Variants in ADGRL3 observed in about 807,000 individuals in gnomAD.
ADGRL3 encodes the protein adhesion G protein-coupled receptor L3.
A neutral mutation model predicts 153.5 loss-of-function variants in ADGRL3; 62 were observed. The ratio of observed to expected loss-of-function variants is 0.40; its 90% confidence interval spans 0.33 to 0.50. ADGRL3 has a LOEUF of 0.50. Among genes scored for constraint, ADGRL3 ranks in the 20% least tolerant of loss-of-function variants. The probability of loss-of-function intolerance (pLI) is 0.47; values close to 1 mark genes in which losing one functional copy is unlikely to be tolerated. For missense variants in ADGRL3, 1,641 were observed against 1,859.4 expected, an observed-to-expected ratio of 0.88 and a Z score of 2.16; for synonymous variants, 710 against 672.5, an observed-to-expected ratio of 1.06 and a Z score of -0.86.
intron 1 of ADGRL3, among the ~76,000 whole-genome samples, chr4:61,227,767 C>T (rs759016910): frequency 5.9e-5 from 9 of 152,102 alleles, no homozygotes; most frequent in East Asian, 1.9e-4. Flanking sequence ...TAAACACAGT[C>T]GACATATGCT....
intron 1 of ADGRL3, among the ~76,000 whole-genome samples, chr4:61,265,997 G>T (rs181211239): frequency 6.6e-6 from 1 of 151,674 alleles, no homozygotes; most frequent in Non-Finnish European, 1.5e-5. Flanking sequence ...TTTGAATTTC[G>T]CATATTTAAG....
At chr4:61,960,122 A>T (rs1011000532) in intron 17 of ADGRL3, among the ~76,000 whole-genome samples, 5 of 152,242 alleles carry the variant, frequency 3.3e-5, no homozygotes, top group African/African-American at 1.2e-4. Context: ...CTAACCTTTT[A>T]GAACCAAGAA....
intron 2 of ADGRL3, among the ~76,000 whole-genome samples, chr4:61,468,564 C>A (rs1254392938): frequency 1.3e-5 from 2 of 152,152 alleles, no homozygotes; most frequent in Non-Finnish European, 2.9e-5. Flanking sequence ...GTTAAAAATT[C>A]TTTCCCTTTG....
intron 1 of ADGRL3, among the ~76,000 whole-genome samples, chr4:61,274,671 T>C (rs764317414): frequency 2.0e-5 from 3 of 152,068 alleles, no homozygotes; most frequent in African/African-American, 4.8e-5. Context: ...CCAGATAAAA[T>C]GGAGTGATTT....
At chr4:61,497,036 A>G (rs1730805972) in intron 2 of ADGRL3, 85 bp from the exon 3 acceptor site, 2 of 409,926 alleles carry the variant, frequency 4.9e-6, no homozygotes. Flanking sequence ...TATTAACATG[A>G]TGGCAATATA....
At chr4:61,237,944 A>G (rs1008323044) in intron 1 of ADGRL3, among the ~76,000 whole-genome samples, 5 of 152,172 alleles carry the variant, frequency 3.3e-5, no homozygotes, top group Admixed American at 3.3e-4. Flanking sequence ...TGAGATGCAT[A>G]AATTGACACT....
intron 1 of ADGRL3, among the ~76,000 whole-genome samples, chr4:61,315,682 G>A (rs2095182950): frequency 6.6e-6 from 1 of 151,992 alleles, no homozygotes; most frequent in Admixed American, 6.6e-5. Flanking sequence ...GGAGTGTAGA[G>A]ACATAAAAGT....
chr4:61,336,335 C>T (rs1048055563), intron 1 of ADGRL3, among the ~76,000 whole-genome samples: 1 of 152,012 alleles, frequency 6.6e-6, no homozygotes, highest in South Asian at 2.1e-4. Flanking sequence ...GCGATTTGGA[C>T]CTGAGGAATG....
intron 4 of ADGRL3, among the ~76,000 whole-genome samples, chr4:61,550,534 T>C (rs2148799977): frequency 6.6e-6 from 1 of 152,164 alleles, no homozygotes. Flanking sequence ...AAACATATTA[T>C]TTCTATGTCC....
At chr4:61,585,495 C>T (rs1004802449) in intron 4 of ADGRL3, among the ~76,000 whole-genome samples, 3 of 152,018 alleles carry the variant, frequency 2.0e-5, no homozygotes, top group South Asian at 4.1e-4. Context: ...ACATTTCATG[C>T]TTCGTAAAAA....
chr4:61,291,919 T>A (rs1342427123), intron 1 of ADGRL3, among the ~76,000 whole-genome samples: 11 of 148,006 alleles, frequency 7.4e-5, no homozygotes, highest in Non-Finnish European at 3.0e-5. Context: ...GGTATGATAA[T>A]TTTTACAGGC....
rs1192459924 is a variant in ADGRL3 at position 62,056,274 on chromosome 4, AT to A, written c.3814+11726del. Among the ~76,000 whole-genome samples, 10 of 151,978 alleles carry A rather than the reference AT, an allele frequency of 6.6e-5. No homozygotes were observed. In the South Asian group the frequency reaches 1.0e-3, roughly 16 times the overall value. ...TTAAGGTCAATTAGGTGATATAAAT[AT>A]AATATATATTTGGAGTACTTCTAAT... On this transcript the variant is annotated intron_variant, in intron 25 of 26. Transcript: ENST00000683033.
At chr4:61,851,571 C>G (rs1707336747) in intron 9 of ADGRL3, among the ~76,000 whole-genome samples, 1 of 117,010 alleles carries the variant, frequency 8.5e-6, no homozygotes, top group South Asian at 2.7e-4. Context: ...GCATGAGCAA[C>G]AGAGTGAGAC....
intron 26 of ADGRL3, among the ~76,000 whole-genome samples, chr4:62,068,837 A>C (rs1295470614): frequency 6.6e-6 from 1 of 152,196 alleles, no homozygotes; most frequent in African/African-American, 2.4e-5. Flanking sequence ...TTGAATACAC[A>C]GTATGCATCA....
chr4:61,581,136 GCAGAATAGACAGTA>G (rs781035095), intron 4 of ADGRL3, among the ~76,000 whole-genome samples: 1 of 152,048 alleles, frequency 6.6e-6, no homozygotes, highest in Non-Finnish European at 1.5e-5. Context: ...AAAGTTAGGT[GCAGAATAGACAGTA>G]CACCCTGAGA....
chr4:61,855,667 C>G (rs2098255063), intron 9 of ADGRL3, among the ~76,000 whole-genome samples: 1 of 151,912 alleles, frequency 6.6e-6, no homozygotes, highest in African/African-American at 2.4e-5. Context: ...AATAACTCAC[C>G]TTAAACCATT....
At chr4:61,604,409 C>T (rs957825852) in intron 5 of ADGRL3, among the ~76,000 whole-genome samples, 20 of 151,972 alleles carry the variant, frequency 1.3e-4, no homozygotes, top group African/African-American at 4.8e-4. Flanking sequence ...GAATAAAATG[C>T]CTATAAAAGG....
At chr4:61,316,490 G>C (rs1021748802) in intron 1 of ADGRL3, among the ~76,000 whole-genome samples, 5 of 152,134 alleles carry the variant, frequency 3.3e-5, no homozygotes, top group African/African-American at 9.7e-5. Context: ...CATTTACTTT[G>C]ACACCAACCT....
intron 1 of ADGRL3, among the ~76,000 whole-genome samples, chr4:61,276,634 A>T (rs1213276001): frequency 6.6e-6 from 1 of 152,136 alleles, no homozygotes; most frequent in Non-Finnish European, 1.5e-5. Flanking sequence ...GTCAATTAGT[A>T]AAATATAACT....
Sources: allele counts gnomAD v4.1 joint callset (sites outside exome capture counted in the v4.1 genomes callset), GRCh38; gene constraint gnomAD v4.1.1; transcripts MANE v1.5; gene names NCBI Gene and HGNC (gene_info 2026-07-23, HGNC 2026-07-21).